APP: variants seen among roughly 807,000 people sequenced by gnomAD.
APP encodes the protein amyloid-beta precursor protein.
Under a neutral mutation model 101.4 loss-of-function variants are expected in APP, and 31 were observed. That is an observed-to-expected ratio of 0.31 (90% CI 0.23 to 0.41). The LOEUF is 0.41. APP is among the 10% of genes least tolerant of loss of function. The pLI is 1.00. For missense variants in APP, 839 were observed against 1,003.7 expected, an observed-to-expected ratio of 0.84 and a Z score of 2.22; for synonymous variants, 366 against 364.4, an observed-to-expected ratio of 1.00 and a Z score of -0.05.
intron 13 of APP, chr21:25,937,958 G>A (rs1601457856): frequency 6.6e-6 from 1 of 152,222 alleles, no homozygotes; most frequent in South Asian, 2.1e-4. Context: ...ACTTTTTGTA[G>A]AAACAGGGTC....
intron 5 of APP, among the ~76,000 whole-genome samples, chr21:26,041,013 C>T (rs2045351680): frequency 6.6e-6 from 1 of 152,198 alleles, no homozygotes; most frequent in South Asian, 2.1e-4. Context: ...AGTTAGCTCC[C>T]ACTTGGGACA....
chr21:26,077,214 C>T (rs375537913), intron 3 of APP, among the ~76,000 whole-genome samples: 3 of 152,158 alleles, frequency 2.0e-5, no homozygotes, highest in South Asian at 2.1e-4. Context: ...AAATCATTCA[C>T]GGCCATCTCA....
intron 17 of APP, among the ~76,000 whole-genome samples, chr21:25,886,082 G>T (rs2037304232): frequency 6.6e-6 from 1 of 152,038 alleles, no homozygotes; most frequent in Non-Finnish European, 1.5e-5. Context: ...TCCTGTCATT[G>T]AGATGGACCA....
At chr21:26,101,860 A>T (rs1481954509) in intron 2 of APP, among the ~76,000 whole-genome samples, 1 of 152,126 alleles carries the variant, frequency 6.6e-6, no homozygotes, top group Non-Finnish European at 1.5e-5. Context: ...TTTTCTTCAC[A>T]ATTTAATTGT....
At chr21:26,094,047 C>T (rs773799632) in intron 2 of APP, among the ~76,000 whole-genome samples, 2 of 149,374 alleles carry the variant, frequency 1.3e-5, no homozygotes, top group Non-Finnish European at 1.5e-5. Context: ...ACCCAGGAAG[C>T]GGATGTTGCA....
intron 1 of APP, among the ~76,000 whole-genome samples, chr21:26,136,937 G>A (rs1259201320): frequency 6.6e-6 from 1 of 152,154 alleles, no homozygotes; most frequent in Non-Finnish European, 1.5e-5. Flanking sequence ...ATGTCACCCA[G>A]GCTGGAGTGC....
At chr21:26,058,974 G>A (rs1031473950) in intron 3 of APP, among the ~76,000 whole-genome samples, 1 of 151,630 alleles carries the variant, frequency 6.6e-6, no homozygotes, top group South Asian at 2.1e-4. Flanking sequence ...CCAGCTACTC[G>A]GGAGGCTGAG....
At chr21:26,056,946 A>G (rs2046066828) in intron 3 of APP, among the ~76,000 whole-genome samples, 1 of 152,252 alleles carries the variant, frequency 6.6e-6, no homozygotes, top group Non-Finnish European at 1.5e-5. Flanking sequence ...AACTTTTAAT[A>G]AGCGTTAAGA....
At chr21:25,947,757 T>C (rs170065) in intron 13 of APP, among the ~76,000 whole-genome samples, 55,379 of 151,924 alleles carry the variant, frequency 0.36, 12,762 homozygotes, top group African/African-American at 0.65. Context: ...ATTCCCAGCA[T>C]TTTGGGGGGC....
chr21:25,894,737 A>G (rs1219093707), intron 16 of APP, among the ~76,000 whole-genome samples: 1 of 152,256 alleles, frequency 6.6e-6, no homozygotes, highest in African/African-American at 2.4e-5. Context: ...AACACTGTTG[A>G]AATGACAACA....
At chr21:26,049,326 G>T (rs776425606) in intron 5 of APP, among the ~76,000 whole-genome samples, 1 of 152,102 alleles carries the variant, frequency 6.6e-6, no homozygotes, top group Non-Finnish European at 1.5e-5. Flanking sequence ...AAATTCAATG[G>T]TTTATTCAAC....
intron 4 of APP, among the ~76,000 whole-genome samples, 200 bp downstream of exon 4, chr21:26,053,036 A>G (rs2045899903): frequency 6.6e-6 from 1 of 152,118 alleles, no homozygotes. Flanking sequence ...GGTACACGGG[A>G]ACTCTATTTT....
At chr21:26,117,833 G>C (rs1007520022) in intron 1 of APP, among the ~76,000 whole-genome samples, 1 of 152,142 alleles carries the variant, frequency 6.6e-6, no homozygotes, top group Admixed American at 6.5e-5. Context: ...AATTATTTCA[G>C]AGCTTGAGTT....
At chr21:26,133,511 C>T (rs148169659) in intron 1 of APP, among the ~76,000 whole-genome samples, 8 of 152,176 alleles carry the variant, frequency 5.3e-5, no homozygotes, top group Non-Finnish European at 5.9e-5. Context: ...ATAGGCCGGG[C>T]GCGGTGGCTC....
At chr21:25,966,847 A>G (rs1349118646) in intron 11 of APP, among the ~76,000 whole-genome samples, 1 of 152,218 alleles carries the variant, frequency 6.6e-6, no homozygotes, top group Non-Finnish European at 1.5e-5. Context: ...TTTAGTTGTA[A>G]TCCACATCAT....
In APP at chr21:26,123,665, T is replaced by G. The variant is rs373010987; in HGVS notation, c.58-11519A>C. 3.1e-4 allele frequency among the ~76,000 whole-genome samples: 47 copies of G among 152,316 alleles called. 1 individual carries two copies. The East Asian group carries it at 6.0e-3, about 19-fold the overall frequency. ...CCACAATACTAGGAGAAAATAATTC[T>G]GAAGGGGAGGTAGCAGTGAAGACTC... On this transcript the variant is annotated intron_variant, in intron 1 of 17. Transcript: ENST00000346798.
At chr21:26,170,897 G>T, upstream of APP, 1 of 327,630 alleles carries the variant, frequency 3.1e-6, no homozygotes, top group South Asian at 8.8e-5. Context: ...GCCGGGAGGG[G>T]CCCTCGCGCC....
intron 6 of APP, among the ~76,000 whole-genome samples, chr21:26,004,942 G>T (rs1052103023): frequency 6.6e-6 from 1 of 152,008 alleles, no homozygotes; most frequent in African/African-American, 2.4e-5. Context: ...TGAGAATGAT[G>T]GTTTCCAGCT....
intron 15 of APP, among the ~76,000 whole-genome samples, chr21:25,900,483 C>T (rs554990480): frequency 6.6e-6 from 1 of 151,816 alleles, no homozygotes; most frequent in African/African-American, 2.4e-5. Context: ...TCGCTTGAAC[C>T]CGGCAGGTGG....
Sources: gnomAD v4.1 joint callset for allele counts (sites outside exome capture counted in the v4.1 genomes callset) on GRCh38, gnomAD v4.1.1 for gene constraint, MANE v1.5 for transcripts, NCBI Gene and HGNC (gene_info 2026-07-23, HGNC 2026-07-21) for gene names.